Variants in CFAP47 observed in about 807,000 individuals in gnomAD.
CFAP47 encodes the protein cilia- and flagella-associated protein 47.
A neutral mutation model predicts 148.1 loss-of-function variants in CFAP47; 29 were observed. The observed-to-expected ratio is 0.20, with a 90% confidence interval of 0.15 to 0.27. The LOEUF (loss-of-function observed/expected upper bound fraction) is 0.27, where lower values mean the gene tolerates loss of function less well. Ranked by LOEUF, CFAP47 falls within the 10% of genes least tolerant of loss-of-function variation. CFAP47 has a pLI of 1.00. For synonymous variants in CFAP47, 664 were observed against 577.3 expected, an observed-to-expected ratio of 1.15 and a Z score of -2.15; for missense variants, 1,872 against 1,697.5, an observed-to-expected ratio of 1.10 and a Z score of -1.81.
intron 40 of CFAP47, among the ~76,000 whole-genome samples, chrX:36,186,076 G>A (rs1278837281): frequency 5.4e-5 from 6 of 111,584 alleles, no homozygotes; most frequent in Non-Finnish European, 9.4e-5. Context: ...ATATATACTT[G>A]TTTATTAATA....
intron 8 of CFAP47, among the ~76,000 whole-genome samples, chrX:35,960,786 AG>A (rs202231491): frequency 0.024 from 2,731 of 111,473 alleles, 94 homozygotes; most frequent in African/African-American, 0.084. Flanking sequence ...TTGGGATACA[AG>A]AACATGTCAC....
At chrX:36,281,532 C>G (rs1236586988) in intron 50 of CFAP47, among the ~76,000 whole-genome samples, 2 of 112,474 alleles carry the variant, frequency 1.8e-5, no homozygotes, top group Non-Finnish European at 3.8e-5. Flanking sequence ...ATGTTACAGT[C>G]TTGAGAAATA....
chrX:36,187,794 C>T (rs782609686), intron 40 of CFAP47, among the ~76,000 whole-genome samples: 5 of 111,407 alleles, frequency 4.5e-5, no homozygotes, highest in African/African-American at 6.5e-5. Flanking sequence ...AAAGAAAATA[C>T]AGTACAGTGT....
chrX:36,229,945 A>G (rs1191799270), intron 46 of CFAP47, among the ~76,000 whole-genome samples: 1 of 104,197 alleles, frequency 9.6e-6, no homozygotes, highest in East Asian at 3.1e-4. Context: ...TGAACTCATC[A>G]TTTTTTATGG....
intron 49 of CFAP47, among the ~76,000 whole-genome samples, chrX:36,272,836 C>G (rs1940974712): frequency 9.0e-6 from 1 of 110,617 alleles, no homozygotes; most frequent in Non-Finnish European, 1.9e-5. Context: ...TTTGAAGTTC[C>G]CTCATATGTG....
chrX:36,085,410 T>C lies in CFAP47; in HGVS notation c.4788T>C (p.Asp1596=). 1 of 1,203,487 alleles carries C rather than the reference T, an allele frequency of 8.3e-7. No individual in the cohort carries two copies. ...CCAAATATAATAAGACCATTTATGA[T>C]GTGCTGCTCCATTTGAGTGGAAAAA... ...DFSKYNKTIY[D]VLLHLSGKMP... The change falls in exon 30 of 64, where the codon GAT becomes GAC. Residue 1596 remains aspartate, a synonymous_variant. Coordinates refer to ENST00000378653, the MANE Select transcript of CFAP47 (RefSeq NM_001304548.2).
intron 3 of CFAP47, among the ~76,000 whole-genome samples, chrX:35,945,568 T>C (rs1361825864): frequency 9.0e-6 from 1 of 111,513 alleles, no homozygotes; most frequent in African/African-American, 3.3e-5. Context: ...TTCCAAAACT[T>C]GGCAAAATTT....
intron 42 of CFAP47, among the ~76,000 whole-genome samples, chrX:36,198,654 C>A (rs782229747): frequency 4.5e-5 from 5 of 111,911 alleles, no homozygotes; most frequent in Admixed American, 1.9e-4. Context: ...CTTTCAGGGC[C>A]TGCTATTTCA....
intron 3 of CFAP47, among the ~76,000 whole-genome samples, chrX:35,943,969 A>G (rs924375323): frequency 1.8e-5 from 2 of 111,292 alleles, no homozygotes; most frequent in East Asian, 2.8e-4. Flanking sequence ...CAGTTTCTCA[A>G]ATTCCTAAGT....
Position 35,919,814 on chromosome X carries a change from G to A in CFAP47, c.15G>A (p.Lys5=). 37 of 1,206,451 alleles carry A rather than the reference G, an allele frequency of 3.1e-5. No individual in the cohort carries two copies. Among genetic ancestry groups the A allele is most frequent in the Non-Finnish European group, 4.1e-5 (37 of 892,776 alleles). The change falls in exon 1 of 64, where the codon AAG becomes AAA. Residue 5 remains lysine (K), a synonymous_variant. Coordinates refer to ENST00000378653, the MANE Select transcript of CFAP47 (RefSeq NM_001304548.2). The part of the protein sequence containing the change: MNTQ[K]GSLTINVHRG... ...AGAGGGCAGCCATGAACACCCAAAA[G>A]GGTTCCCTCACCATAAACGTCCACA...
At chrX:35,973,388 A>G (rs1936522578) in intron 13 of CFAP47, among the ~76,000 whole-genome samples, 1 of 110,521 alleles carries the variant, frequency 9.0e-6, no homozygotes, top group African/African-American at 3.3e-5. Context: ...ACGGGGTTTC[A>G]CTGTGTTAGC....
chrX:36,345,637 G>A (rs1602118800), intron 57 of CFAP47, among the ~76,000 whole-genome samples: 2 of 111,517 alleles, frequency 1.8e-5, no homozygotes, highest in Admixed American at 1.9e-4. Context: ...CTTTCAAGGG[G>A]ACTTTGGGCA....
rs1040358597 is a variant in CFAP47, at chrX:36,190,964, A to G, written c.6321+768A>G. Among the ~76,000 whole-genome samples, 4 of 112,039 alleles carry G rather than the reference A, an allele frequency of 3.6e-5. No individual in the cohort carries two copies. In the Admixed American group the frequency reaches 3.8e-4, roughly 11 times the overall value. On this transcript the variant is annotated intron_variant, in intron 42 of 63. Coordinates refer to ENST00000378653, the MANE Select transcript of CFAP47 (RefSeq NM_001304548.2). ...TATGTACACTAAATTGAATACATATACAGTGAAAAATGGTAATTGGAAAGA... is the reference window on the plus strand; with the variant it reads ...TATGTACACTAAATTGAATACATATGCAGTGAAAAATGGTAATTGGAAAGA...
chrX:36,298,812 A>C (rs946039939), intron 51 of CFAP47, among the ~76,000 whole-genome samples, 165 bp from the exon 52 acceptor site: 55 of 112,046 alleles, frequency 4.9e-4, no homozygotes, highest in Non-Finnish European at 1.3e-4. Flanking sequence ...AAGAAAACAT[A>C]TAAGAGATTC....
rs782356497 is a variant in CFAP47 at position 36,185,908 on chromosome X, T to C, written c.6105-2712T>C. ...CCATTGTGATCTCAGTAAAGCTTAATTACCCCCTTATATTTCTCATTTCCA... is the reference window on the plus strand; with the variant it reads ...CCATTGTGATCTCAGTAAAGCTTAACTACCCCCTTATATTTCTCATTTCCA... On this transcript the variant is annotated intron_variant, in intron 40 of 63. Coordinates refer to ENST00000378653, the MANE Select transcript of CFAP47 (RefSeq NM_001304548.2). Among the ~76,000 whole-genome samples, 64 of 111,701 alleles carry C rather than the reference T, an allele frequency of 5.7e-4. 1 individual carries two copies. The highest frequency in any genetic ancestry group is 1.1e-3 in the Non-Finnish European group (56 of 53,101).
intron 36 of CFAP47, among the ~76,000 whole-genome samples, chrX:36,148,299 G>T (rs1442551172): frequency 9.0e-6 from 1 of 111,368 alleles, no homozygotes; most frequent in Non-Finnish European, 1.9e-5. Context: ...GATATCAAGG[G>T]TGATTAGATA....
intron 8 of CFAP47, among the ~76,000 whole-genome samples, chrX:35,960,380 G>GGAAAAAAAAAAAAAAAAAAA (rs1227681980): frequency 1.3e-4 from 2 of 15,489 alleles, no homozygotes; most frequent in African/African-American, 2.6e-4. Flanking sequence ...GCTAATTTCT[G>GGAAAAAAAAAAAAAAAAAAA]AAAAAAAAAA....
intron 30 of CFAP47, among the ~76,000 whole-genome samples, chrX:36,085,752 A>G (rs1392613094): frequency 9.2e-6 from 1 of 109,118 alleles, no homozygotes; most frequent in East Asian, 2.8e-4. Flanking sequence ...AAAATATATA[A>G]TGCTTAATAG....
chrX:36,182,580 A>T (rs1939762878), intron 40 of CFAP47, among the ~76,000 whole-genome samples: 1 of 111,897 alleles, frequency 8.9e-6, no homozygotes. Context: ...TTCCATATAC[A>T]AACTGAAATT....
Sources: gnomAD v4.1 joint callset for allele counts (sites outside exome capture counted in the v4.1 genomes callset) on GRCh38, gnomAD v4.1.1 for gene constraint, MANE v1.5 for transcripts, NCBI Gene and HGNC (gene_info 2026-07-23, HGNC 2026-07-21) for gene names.